Variants in PLAT observed in about 807,000 individuals in gnomAD.
PLAT encodes the protein tissue-type plasminogen activator.
A neutral mutation model predicts 74.9 loss-of-function variants in PLAT; 48 were observed. The observed-to-expected ratio is 0.64, with a 90% CI of 0.51 to 0.82. The LOEUF is 0.82. Among genes scored for constraint, PLAT ranks in the 40% least tolerant of loss-of-function variants. The pLI, the probability that PLAT is intolerant of heterozygous loss-of-function variation, is 0.00. For synonymous variants in PLAT, 307 were observed against 294.4 expected (o/e 1.04, Z -0.44); for missense variants, 673 against 736.2 (o/e 0.91, Z 0.99).
intron 1 of PLAT, among the ~76,000 whole-genome samples, chr8:42,204,864 A>G (rs1213904234): frequency 6.6e-6 from 1 of 152,042 alleles, no homozygotes; most frequent in African/African-American, 2.4e-5. Flanking sequence ...CTAAAAATAT[A>G]AAAATTAGCC....
At chr8:42,190,697 G>A (rs912866677) in intron 3 of PLAT, among the ~76,000 whole-genome samples, 4 of 152,148 alleles carry the variant, frequency 2.6e-5, no homozygotes, top group African/African-American at 7.2e-5. Flanking sequence ...TTCCAGACTC[G>A]AAGGAACTGG....
chr8:42,175,742 C>T lies in PLAT; in HGVS notation c.*251G>A, dbSNP rs907762664. On this transcript the variant is annotated 3_prime_UTR_variant, in exon 14 of 14. Coordinates refer to ENST00000220809, the MANE Select transcript of PLAT (RefSeq NM_000930.5). ...ACTTTCTGCCCAGGGAGGAGGCATT[C>T]CTGGAGAGGCTAGTGTGCATTCATG... The T allele has an allele frequency of 3.3e-5, 13 of 396,580 alleles. No homozygotes were observed. The highest frequency in any genetic ancestry group is 5.0e-5 in the Non-Finnish European group (11 of 219,028). The allele number at this position is 396,580 out of a possible 1,614,324, so 24.6% of individuals were successfully genotyped here.
intron 1 of PLAT, among the ~76,000 whole-genome samples, chr8:42,200,854 G>A (rs1017567712): frequency 5.5e-4 from 83 of 151,298 alleles, no homozygotes; most frequent in Admixed American, 4.5e-3. Context: ...TTCTGAGATG[G>A]AGTTTCACTC....
intron 12 of PLAT, 109 bp downstream of exon 12, chr8:42,179,817 C>G (rs1805140369): frequency 8.6e-7 from 1 of 1,164,456 alleles, no homozygotes; most frequent in Non-Finnish European, 1.2e-6. Context: ...GCGTCAGTGC[C>G]TGACCCGGGG....
chr8:42,195,636 A>T (rs1357778926), intron 1 of PLAT: 2 of 152,200 alleles, frequency 1.3e-5, no homozygotes, highest in African/African-American at 4.8e-5. Flanking sequence ...TCTTCTCATC[A>T]CAGAGACTTA....
Position 42,185,009 on chromosome 8 carries a change from G to T in PLAT, c.631+72C>A. 4.1e-6 allele frequency: 4 copies of T among 971,660 alleles called. No homozygotes were observed. In the East Asian group the frequency reaches 7.7e-5, roughly 19 times the overall value. 60.2% of individuals were successfully genotyped at this position (971,660 alleles called of 1,614,324 possible). On this transcript the variant is annotated intron_variant, in intron 7 of 13. Transcript: ENST00000220809. ...CCTTTCTCCCCTCAGGTGCAGGAGG[G>T]CTATCGGCCTGTCCTCCTGGACTTT...
chr8:42,180,099 G>GAGGGCC lies in PLAT; in HGVS notation c.1223-39_1223-34dup, dbSNP rs950833518. ...GGAGAAAGGAGGAGTGAGCTGGCGT[G>GAGGGCC]AGGGCCGCGTCCCCGGGAGGGGAGG... is the stretch of plus-strand genomic sequence containing the variant. On this transcript the variant is annotated intron_variant, in intron 11 of 13. Coordinates refer to ENST00000220809, the MANE Select transcript of PLAT (RefSeq NM_000930.5). 1.0e-5 allele frequency: 16 copies of GAGGGCC among 1,594,268 alleles called. No homozygotes were observed. In the African/African-American group the frequency reaches 1.9e-4, roughly 19 times the overall value.
At chr8:42,180,718 C>G (rs1291244756) in intron 9 of PLAT, 33 bp from the exon 10 acceptor site, 1 of 1,494,074 alleles carries the variant, frequency 6.7e-7, no homozygotes, top group South Asian at 1.3e-5. Context: ...GCAGTCAGTC[C>G]CACAGGCCTC....
chr8:42,177,924 C>T (rs1217268700), intron 13 of PLAT, among the ~76,000 whole-genome samples: 7 of 152,204 alleles, frequency 4.6e-5, no homozygotes, highest in Admixed American at 4.6e-4. Flanking sequence ...TCTTCTACCC[C>T]CAGCCCCTAA....
At chr8:42,186,488 G>A (rs1044951375) in intron 6 of PLAT, 4 of 152,068 alleles carry the variant, frequency 2.6e-5, no homozygotes, top group African/African-American at 4.8e-5. Context: ...CAACTTTCCC[G>A]ACCAAACCGA....
At chr8:42,196,180 C>A (rs554172438) in intron 1 of PLAT, among the ~76,000 whole-genome samples, 1 of 152,188 alleles carries the variant, frequency 6.6e-6, no homozygotes, top group African/African-American at 2.4e-5. Context: ...AGGAGAAGCA[C>A]GACCTAGGGC....
rs1328291925 is a variant in PLAT at position 42,178,885 on chromosome 8, A to G, written c.1530+12T>C. 1.2e-5 allele frequency: 20 copies of G among 1,611,686 alleles called. No individual in the cohort carries two copies. The highest frequency in any genetic ancestry group is 1.7e-5 in the Non-Finnish European group (20 of 1,179,430). On this transcript the variant is annotated intron_variant, in intron 13 of 13. Transcript: ENST00000220809. ...GGGTTGTGCCCAGCATGGGCGCGCC[A>G]CTCCTGGTTACCTGGCAGGCGTCGT... is the stretch of plus-strand genomic sequence containing the variant.
chr8:42,177,115 C>T (rs993868043), intron 13 of PLAT, among the ~76,000 whole-genome samples: 3 of 152,312 alleles, frequency 2.0e-5, no homozygotes, highest in African/African-American at 7.2e-5. Flanking sequence ...CACCACCACA[C>T]CTGGCTAATT....
At chr8:42,184,303 G>A (rs887342698) in intron 7 of PLAT, among the ~76,000 whole-genome samples, 3 of 152,008 alleles carry the variant, frequency 2.0e-5, no homozygotes, top group South Asian at 2.1e-4. Flanking sequence ...GATAAGTAAC[G>A]TAATGATTTG....
intron 1 of PLAT, among the ~76,000 whole-genome samples, chr8:42,200,986 T>C (rs534049446): frequency 2.0e-5 from 3 of 152,296 alleles, no homozygotes; most frequent in African/African-American, 7.2e-5. Flanking sequence ...TGTGCCACCA[T>C]GCCTGGCTAA....
chr8:42,196,696 G>A (rs1158694453), intron 1 of PLAT, among the ~76,000 whole-genome samples: 1 of 152,194 alleles, frequency 6.6e-6, no homozygotes. Flanking sequence ...GTCCATGAGT[G>A]CTCTGGCGAG....
chr8:42,188,677 G>C (rs1334137845), intron 4 of PLAT, among the ~76,000 whole-genome samples: 3 of 152,188 alleles, frequency 2.0e-5, no homozygotes. Flanking sequence ...TGTCACTGAG[G>C]TTGAAATGCA....
In PLAT at chr8:42,180,324, A is replaced by G. The variant is rs1805180720; in HGVS notation, c.1140T>C (p.Pro380=). ...CTTCAAATTTCTGCTCCTCCTCGCC[A>G]GGGACCACCCGGTATGTTCTGCCCA... ...VILGRTYRVV[P]GEEEQKFEVE... Residue 380 remains proline, a synonymous_variant, in exon 11 of 14, where the codon CCT becomes CCC. Coordinates refer to ENST00000220809, the MANE Select transcript of PLAT (RefSeq NM_000930.5). The G allele has an allele frequency of 3.7e-6, 6 of 1,614,204 alleles. No individual in the cohort carries two copies. Among genetic ancestry groups the G allele is most frequent in the Non-Finnish European group, 4.2e-6 (5 of 1,179,998 alleles).
intron 3 of PLAT, among the ~76,000 whole-genome samples, chr8:42,190,645 A>T (rs933974680): frequency 1.3e-5 from 2 of 152,152 alleles, no homozygotes; most frequent in South Asian, 2.1e-4. Context: ...CTGGGGAGTG[A>T]GTCACCCTTT....
Sources: allele counts gnomAD v4.1 joint callset (sites outside exome capture counted in the v4.1 genomes callset), GRCh38; gene constraint gnomAD v4.1.1; transcripts MANE v1.5; gene names NCBI Gene and HGNC (gene_info 2026-07-23, HGNC 2026-07-21).